LRRTM4: variants seen among roughly 807,000 people sequenced by gnomAD.
LRRTM4 encodes leucine-rich repeat transmembrane neuronal protein 4.
A neutral mutation model predicts 47.6 loss-of-function variants in LRRTM4; 25 were observed. The observed-to-expected ratio is 0.53, with a 90% CI of 0.38 to 0.73. The LOEUF (loss-of-function observed/expected upper bound fraction) is 0.73, where lower values mean the gene tolerates loss of function less well. Ranked by LOEUF, LRRTM4 falls within the 30% of genes least tolerant of loss-of-function variation. LRRTM4 has a pLI of 0.00. For missense variants in LRRTM4, 638 were observed against 713.4 expected (o/e 0.89, Z 1.20); for synonymous variants, 311 against 269.5 (o/e 1.15, Z -1.51).
In LRRTM4 at chr2:77,373,801, G is replaced by A. The variant is rs148267511; in HGVS notation, c.1551+144517C>T. ...CAGTAGAAATCAGGGGGTTTCTTGC[G>A]GAGATACATTCCTATTAACACAGAG... is the stretch of plus-strand genomic sequence containing the variant. On this transcript the variant is annotated intron_variant, in intron 3 of 3. Transcript: ENST00000409884. 2.5e-3 allele frequency among the ~76,000 whole-genome samples: 383 copies of A among 151,834 alleles called. 3 individuals are homozygous for A. The highest frequency in any genetic ancestry group is 8.8e-3 in the African/African-American group (367 of 41,480).
At chr2:77,370,368 CATA>C (rs1672615161) in intron 3 of LRRTM4, among the ~76,000 whole-genome samples, 1 of 151,688 alleles carries the variant, frequency 6.6e-6, no homozygotes, top group African/African-American at 2.4e-5. Flanking sequence ...CAAGTTTCAG[CATA>C]ATAACTACTG....
intron 3 of LRRTM4, among the ~76,000 whole-genome samples, chr2:76,837,538 T>C (rs377492270): frequency 6.6e-5 from 10 of 152,060 alleles, no homozygotes; most frequent in Non-Finnish European, 1.3e-4. Flanking sequence ...TTTCCCTCTA[T>C]ACACTGCTTT....
chr2:76,961,439 G>C (rs1675856438), intron 3 of LRRTM4, among the ~76,000 whole-genome samples: 1 of 150,728 alleles, frequency 6.6e-6, no homozygotes, highest in Non-Finnish European at 1.5e-5. Flanking sequence ...CCTGACTTTT[G>C]TCTCTGCTAA....
At chr2:76,884,443 A>T (rs1673014488) in intron 3 of LRRTM4, among the ~76,000 whole-genome samples, 1 of 152,190 alleles carries the variant, frequency 6.6e-6, no homozygotes, top group Non-Finnish European at 1.5e-5. Context: ...AATTCCAAAG[A>T]CAGACAGATG....
chr2:77,021,869 G>A (rs1678288335), intron 3 of LRRTM4, among the ~76,000 whole-genome samples: 1 of 152,110 alleles, frequency 6.6e-6, no homozygotes, highest in Non-Finnish European at 1.5e-5. Flanking sequence ...TTTAATGATT[G>A]CCACACCCAA....
chr2:77,254,613 C>T (rs1675712166), intron 3 of LRRTM4, among the ~76,000 whole-genome samples: 1 of 151,554 alleles, frequency 6.6e-6, no homozygotes. Context: ...ATGCGGTTCT[C>T]AATAAATGTA....
intron 3 of LRRTM4, among the ~76,000 whole-genome samples, chr2:77,164,257 C>T (rs1412948491): frequency 6.6e-6 from 1 of 152,190 alleles, no homozygotes; most frequent in Non-Finnish European, 1.5e-5. Context: ...ACAAGAAGAG[C>T]TAACTATCCT....
chr2:76,910,533 A>G (rs1405806884), intron 3 of LRRTM4, among the ~76,000 whole-genome samples: 1 of 152,188 alleles, frequency 6.6e-6, no homozygotes, highest in African/African-American at 2.4e-5. Flanking sequence ...TTATAGCACC[A>G]TTATTACGAA....
At chr2:76,934,438 G>C (rs1674873610) in intron 3 of LRRTM4, among the ~76,000 whole-genome samples, 1 of 152,136 alleles carries the variant, frequency 6.6e-6, no homozygotes, top group African/African-American at 2.4e-5. Context: ...TTGCAATTTA[G>C]ATGTCTCCAT....
intron 3 of LRRTM4, among the ~76,000 whole-genome samples, chr2:77,214,730 T>C (rs1179038748): frequency 1.3e-5 from 2 of 151,936 alleles, no homozygotes; most frequent in Non-Finnish European, 2.9e-5. Flanking sequence ...AACTTGTTAA[T>C]ATGGACAATC....
chr2:77,018,537 G>A (rs753379908), intron 3 of LRRTM4, among the ~76,000 whole-genome samples: 1 of 152,074 alleles, frequency 6.6e-6, no homozygotes, highest in Non-Finnish European at 1.5e-5. Flanking sequence ...ATTCCTCTGA[G>A]CAGAAGGCAG....
chr2:77,511,653 A>C (rs1421502937), intron 3 of LRRTM4, among the ~76,000 whole-genome samples: 2 of 152,022 alleles, frequency 1.3e-5, no homozygotes, highest in Non-Finnish European at 2.9e-5. Context: ...TGTACATGGA[A>C]AGAAAATATA....
At chr2:77,197,106 C>T (rs78614599) in intron 3 of LRRTM4, among the ~76,000 whole-genome samples, 2,694 of 152,084 alleles carry the variant, frequency 0.018, 101 homozygotes, top group African/African-American at 0.061. Flanking sequence ...TTTGTAGACT[C>T]GTACATTGTT....
intron 3 of LRRTM4, among the ~76,000 whole-genome samples, chr2:77,259,337 A>T (rs771776599): frequency 1.3e-5 from 2 of 152,090 alleles, no homozygotes; most frequent in Admixed American, 6.6e-5. Context: ...ATGAGTGTCA[A>T]TTGAGACAAT....
intron 3 of LRRTM4, among the ~76,000 whole-genome samples, chr2:77,342,815 T>C (rs1234791348): frequency 1.3e-5 from 2 of 149,632 alleles, no homozygotes; most frequent in African/African-American, 4.9e-5. Flanking sequence ...GCGGCTACTC[T>C]GTAAATACAT....
intron 3 of LRRTM4, among the ~76,000 whole-genome samples, chr2:77,356,237 A>G (rs1671963143): frequency 1.3e-5 from 2 of 152,248 alleles, no homozygotes; most frequent in Admixed American, 1.3e-4. Flanking sequence ...AATACTTATT[A>G]GACACTATCC....
chr2:77,292,525 T>G (rs1157843358), intron 3 of LRRTM4, among the ~76,000 whole-genome samples: 2 of 151,892 alleles, frequency 1.3e-5, no homozygotes, highest in African/African-American at 2.4e-5. Context: ...CCATAAAAAA[T>G]GATGAGTTCA....
chr2:77,159,455 G>A (rs969270968), intron 3 of LRRTM4, among the ~76,000 whole-genome samples: 2 of 151,008 alleles, frequency 1.3e-5, no homozygotes, highest in African/African-American at 4.9e-5. Flanking sequence ...ACACCAACAT[G>A]GCACACATAT....
intron 3 of LRRTM4, among the ~76,000 whole-genome samples, chr2:76,800,104 T>C (rs1282839194): frequency 6.7e-6 from 1 of 150,248 alleles, no homozygotes; most frequent in Non-Finnish European, 1.5e-5. Context: ...AAAAACTACT[T>C]TAAAGTTCAT....
Sources: gnomAD v4.1 joint callset for allele counts (sites outside exome capture counted in the v4.1 genomes callset) on GRCh38, gnomAD v4.1.1 for gene constraint, MANE v1.5 for transcripts, NCBI Gene and HGNC (gene_info 2026-07-23, HGNC 2026-07-21) for gene names.